UBR2: variants seen among roughly 807,000 people sequenced by gnomAD.
The protein encoded by UBR2 is ubiquitin protein ligase E3 component n-recognin 2, also known as E3 ubiquitin-protein ligase UBR2.
A neutral mutation model predicts 247.9 loss-of-function variants in UBR2; 92 were observed. That is an observed-to-expected ratio of 0.37 (90% CI 0.31 to 0.44). The LOEUF is 0.44. Among genes scored for constraint, UBR2 ranks in the 20% least tolerant of loss-of-function variants. UBR2 has a pLI of 1.00. For missense variants in UBR2, 1,613 were observed against 2,112.6 expected (o/e 0.76, Z 4.64); for synonymous variants, 672 against 693.5 (o/e 0.97, Z 0.49).
At chr6:42,579,886 TG>T (rs1433345901) in intron 2 of UBR2, among the ~76,000 whole-genome samples, 2 of 152,230 alleles carry the variant, frequency 1.3e-5, no homozygotes, top group African/African-American at 4.8e-5. Context: ...GTATTATAAT[TG>T]TGGCTTACAT....
rs41273814 is a variant in UBR2 at position 42,652,427 on chromosome 6, A to T, written c.2615-64A>T. The stretch of plus-strand genomic sequence containing the variant: ...CTTTGAGTTAAAACTATCAAAAGTA[A>T]CAAAGAGATAGTTTCTAAAGCATGT... On this transcript the variant is annotated intron_variant, in intron 24 of 46. Coordinates refer to ENST00000372901, the MANE Select transcript of UBR2 (RefSeq NM_001363705.2). 5.5e-3 allele frequency: 8,180 copies of T among 1,495,366 alleles called. 27 individuals are homozygous for T. The highest frequency in any genetic ancestry group is 6.5e-3 in the Non-Finnish European group (7,237 of 1,109,186). The allele number at this position is 1,495,366 out of a possible 1,614,324, so 92.6% of individuals were successfully genotyped here.
At chr6:42,617,129 G>T in intron 10 of UBR2, 1 of 852,540 alleles carries the variant, frequency 1.2e-6, no homozygotes. Context: ...TCCAGTTATT[G>T]TTCTCATAGC....
At chr6:42,638,294 A>AAT (rs1796229417) in intron 15 of UBR2, among the ~76,000 whole-genome samples, 1 of 152,106 alleles carries the variant, frequency 6.6e-6, no homozygotes, top group Admixed American at 6.6e-5. Flanking sequence ...TAGAGTTGTT[A>AAT]ATATTCCTTC....
intron 15 of UBR2, among the ~76,000 whole-genome samples, chr6:42,638,723 G>T (rs1053543747): frequency 6.6e-6 from 1 of 151,868 alleles, no homozygotes; most frequent in Non-Finnish European, 1.5e-5. Flanking sequence ...GCACGCAGGC[G>T]CAGCGTGGCA....
intron 11 of UBR2, among the ~76,000 whole-genome samples, chr6:42,629,392 A>G: frequency 6.6e-6 from 1 of 152,078 alleles, no homozygotes; most frequent in East Asian, 1.9e-4. Flanking sequence ...AGTGGCGCAC[A>G]CCTGTAATCC....
intron 13 of UBR2, among the ~76,000 whole-genome samples, chr6:42,633,396 T>C (rs1458586787): frequency 6.6e-6 from 1 of 152,030 alleles, no homozygotes; most frequent in East Asian, 1.9e-4. Flanking sequence ...TTTTTTTGTT[T>C]TGTTTTGTTT....
chr6:42,643,117 T>C (rs2151959546), intron 18 of UBR2, among the ~76,000 whole-genome samples: 1 of 152,268 alleles, frequency 6.6e-6, no homozygotes, highest in East Asian at 1.9e-4. Flanking sequence ...TAGCATGGTA[T>C]TTAACCCTGC....
Position 42,674,130 on chromosome 6 carries a change from G to A in UBR2, c.4188G>A (p.Leu1396=), listed in dbSNP as rs772707273. 6.2e-7 allele frequency: 1 copy of A among 1,613,214 alleles called. No individual in the cohort carries two copies. The highest frequency in any genetic ancestry group is 1.1e-5 in the South Asian group (1 of 90,882). Residue 1396 remains leucine, a synonymous_variant, in exon 38 of 47, where the codon CTG becomes CTA. Transcript: ENST00000372901. ...QGHFCKLFAS[L]VPNDSHEELP... is the part of the protein sequence containing the mutation. Reference sequence around the variant, plus strand: ...TATTTCTCTTTAAATCTGTAGCACTGGTGCCTAATGACAGCCATGAGGAAC... The same window carrying A: ...TATTTCTCTTTAAATCTGTAGCACTAGTGCCTAATGACAGCCATGAGGAAC...
At chr6:42,605,161 T>A (rs1402433124) in intron 5 of UBR2, among the ~76,000 whole-genome samples, 1 of 152,198 alleles carries the variant, frequency 6.6e-6, no homozygotes, top group Non-Finnish European at 1.5e-5. Flanking sequence ...CTTTGCCACC[T>A]TAGCACCTTT....
intron 38 of UBR2, among the ~76,000 whole-genome samples, chr6:42,675,180 C>T (rs1354924881): frequency 1.3e-5 from 2 of 152,198 alleles, no homozygotes; most frequent in Admixed American, 1.3e-4. Context: ...TTACTGTTCT[C>T]ATTGCTGCAA....
intron 4 of UBR2, among the ~76,000 whole-genome samples, chr6:42,603,229 G>A (rs1374781058): frequency 6.6e-6 from 1 of 152,080 alleles, no homozygotes; most frequent in Non-Finnish European, 1.5e-5. Context: ...ATAGTCCTTT[G>A]TGTATTCTAG....
chr6:42,643,702 G>A (rs1034957198), intron 18 of UBR2, among the ~76,000 whole-genome samples: 1 of 152,130 alleles, frequency 6.6e-6, no homozygotes, highest in Non-Finnish European at 1.5e-5. Context: ...GGAATTAAAA[G>A]AGAATTGAAA....
chr6:42,663,478 A>C, intron 32 of UBR2, 59 bp downstream of exon 32: 1 of 1,491,446 alleles, frequency 6.7e-7, no homozygotes, highest in Non-Finnish European at 9.0e-7. Flanking sequence ...AGATAATGAA[A>C]TAATAAATCA....
intron 11 of UBR2, chr6:42,619,989 C>G (rs1184614685): frequency 2.1e-6 from 2 of 946,288 alleles, no homozygotes; most frequent in Non-Finnish European, 2.5e-6. Flanking sequence ...TTTAAACAGG[C>G]TATGGTAGTA....
intron 2 of UBR2, among the ~76,000 whole-genome samples, chr6:42,590,976 G>T (rs1792621920): frequency 6.6e-6 from 1 of 152,366 alleles, no homozygotes; most frequent in Admixed American, 6.5e-5. Context: ...ATTAGGCCAG[G>T]TGCGGTGGCC....
intron 11 of UBR2, among the ~76,000 whole-genome samples, chr6:42,627,311 A>G (rs547680955): frequency 6.6e-6 from 1 of 152,228 alleles, no homozygotes; most frequent in Non-Finnish European, 1.5e-5. Flanking sequence ...TAGGTTTTAC[A>G]ATAGTAATGT....
intron 25 of UBR2, among the ~76,000 whole-genome samples, chr6:42,654,481 T>C (rs1368425395): frequency 6.6e-6 from 1 of 152,078 alleles, no homozygotes; most frequent in Non-Finnish European, 1.5e-5. Context: ...TCCTAACACT[T>C]TGGGAGGCCA....
intron 36 of UBR2, 61 bp from the exon 37 acceptor site, chr6:42,673,730 A>G (rs1418314298): frequency 8.0e-7 from 1 of 1,252,808 alleles, no homozygotes; most frequent in African/African-American, 1.5e-5. Flanking sequence ...CTGAACTAGC[A>G]TTCCTGAAAG....
At position 42,652,748 on chromosome 6, in the gene UBR2, G is replaced by T. The variant is rs927105385; in HGVS notation, c.2769+103G>T. On this transcript the variant is annotated intron_variant, in intron 25 of 46. Coordinates refer to ENST00000372901, the MANE Select transcript of UBR2 (RefSeq NM_001363705.2). ...CAGGAAAACTAGGCCGAAATGTATT[G>T]TGTTTTCCTAACTTGAATATATTGT... The T allele has an allele frequency of 7.3e-6, 8 of 1,095,364 alleles. No homozygotes were observed. In the African/African-American group the frequency reaches 1.3e-4, roughly 18 times the overall value. The allele number at this position is 1,095,364 out of a possible 1,614,324, so 67.9% of individuals were successfully genotyped here.
Sources: allele counts gnomAD v4.1 joint callset (sites outside exome capture counted in the v4.1 genomes callset), GRCh38; gene constraint gnomAD v4.1.1; transcripts MANE v1.5; gene names NCBI Gene and HGNC (gene_info 2026-07-23, HGNC 2026-07-21).